Variants in TEC observed in about 807,000 individuals in gnomAD.
TEC encodes the protein tec protein tyrosine kinase.
Under a neutral mutation model 93.0 loss-of-function variants are expected in TEC, and 72 were observed. The observed-to-expected ratio is 0.77, with a 90% confidence interval of 0.64 to 0.94. TEC has a LOEUF of 0.94. TEC is among the 40% of genes least tolerant of loss of function. TEC has a pLI of 0.00. For synonymous variants in TEC, 249 were observed against 247.7 expected (o/e 1.01, Z -0.05); for missense variants, 630 against 757.9 (o/e 0.83, Z 1.98).
chr4:48,171,154 C>T lies in TEC; in HGVS notation c.325+214G>A, dbSNP rs41303779. Among the ~76,000 whole-genome samples the T allele has an allele frequency of 2.6e-5, 4 of 152,266 alleles. No individual in the cohort carries two copies. In the South Asian group the frequency reaches 8.3e-4, roughly 32 times the overall value. On this transcript the variant is annotated intron_variant, in intron 4 of 17. Transcript: ENST00000381501. ...AATGAGAGCGTGCTTTTCTTAGAAACTATATGCTACTAGAAAAAAATCAGA... is the reference window on the plus strand; with the variant it reads ...AATGAGAGCGTGCTTTTCTTAGAAATTATATGCTACTAGAAAAAAATCAGA...
At chr4:48,166,857 A>C (rs1398199746) in intron 7 of TEC, among the ~76,000 whole-genome samples, 3 of 151,712 alleles carry the variant, frequency 2.0e-5, no homozygotes, top group Non-Finnish European at 4.4e-5. Flanking sequence ...CTAGGAATCA[A>C]GCAGAAGAAA....
At chr4:48,242,076 G>A (rs1240625881) in intron 1 of TEC, among the ~76,000 whole-genome samples, 1 of 152,184 alleles carries the variant, frequency 6.6e-6, no homozygotes, top group South Asian at 2.1e-4. Context: ...GTGGTAATGT[G>A]CAGTGTCTGG....
intron 1 of TEC, among the ~76,000 whole-genome samples, chr4:48,243,147 A>G (rs1290782174): frequency 6.6e-6 from 1 of 151,936 alleles, no homozygotes; most frequent in Non-Finnish European, 1.5e-5. Flanking sequence ...AGAAGACATA[A>G]GCAATGGTTC....
chr4:48,189,964 C>T (rs1250693570), intron 2 of TEC, among the ~76,000 whole-genome samples: 1 of 152,180 alleles, frequency 6.6e-6, no homozygotes, highest in East Asian at 1.9e-4. Flanking sequence ...TGAGGGACAA[C>T]AGTCCCTGGC....
intron 9 of TEC, among the ~76,000 whole-genome samples, chr4:48,156,306 A>G (rs1720397266): frequency 6.6e-6 from 1 of 152,188 alleles, no homozygotes; most frequent in African/African-American, 2.4e-5. Context: ...TGCTTTCATA[A>G]AGATGTTTAT....
At chr4:48,179,173 T>G (rs147861414) in intron 2 of TEC, among the ~76,000 whole-genome samples, 1 of 151,694 alleles carries the variant, frequency 6.6e-6, no homozygotes, top group Non-Finnish European at 1.5e-5. Context: ...TTTCCTGAGC[T>G]TGTAGCCGCA....
At chr4:48,187,491 A>C (rs952605258) in intron 2 of TEC, among the ~76,000 whole-genome samples, 5 of 152,084 alleles carry the variant, frequency 3.3e-5, no homozygotes, top group African/African-American at 1.2e-4. Context: ...AAATCACAGA[A>C]TCTTCATATA....
At chr4:48,150,562 T>C (rs1720115744) in intron 10 of TEC, among the ~76,000 whole-genome samples, 1 of 152,128 alleles carries the variant, frequency 6.6e-6, no homozygotes, top group African/African-American at 2.4e-5. Flanking sequence ...GTGGGCAGGG[T>C]CTCTGCCTCC....
intron 2 of TEC, among the ~76,000 whole-genome samples, chr4:48,204,882 G>T (rs1722652484): frequency 6.6e-6 from 1 of 152,154 alleles, no homozygotes; most frequent in Non-Finnish European, 1.5e-5. Context: ...ACCGAAACCG[G>T]TACCAGTCCG....
intron 2 of TEC, among the ~76,000 whole-genome samples, chr4:48,179,338 G>GTATATATATATATATATATATA (rs61241595): frequency 1.9e-5 from 1 of 51,652 alleles, no homozygotes; most frequent in African/African-American, 9.5e-5. Flanking sequence ...GACGTGGGTA[G>GTATATATATATATATATATATA]TATATATATA....
rs545432085 is a variant in TEC at position 48,152,438 on chromosome 4, A to G, written c.793-1496T>C. Among the ~76,000 whole-genome samples, 424 of 138,850 alleles carry G rather than the reference A, an allele frequency of 3.1e-3. 4 individuals are homozygous for G. Among genetic ancestry groups the G allele is most frequent in the African/African-American group, 0.013 (409 of 32,274 alleles). 91.1% of individuals were successfully genotyped at this position (138,850 alleles called of 152,430 possible). ...GGGAGACAGAGAGAGATACTATCAT[A>G]AATAAATAAATAAATAAATAAATAA... is the stretch of plus-strand genomic sequence containing the variant. On this transcript the variant is annotated intron_variant, in intron 9 of 17. Transcript: ENST00000381501.
chr4:48,213,223 C>A (rs541077635), intron 2 of TEC, among the ~76,000 whole-genome samples: 1 of 152,164 alleles, frequency 6.6e-6, no homozygotes, highest in Non-Finnish European at 1.5e-5. Flanking sequence ...TATTAAAAAT[C>A]ATTTTGCAAT....
At chr4:48,238,747 GC>G (rs1723853961) in intron 1 of TEC, among the ~76,000 whole-genome samples, 1 of 149,734 alleles carries the variant, frequency 6.7e-6, no homozygotes. Context: ...AGCCTTCTTT[GC>G]AGTAAAGTGT....
At chr4:48,141,330 T>C in intron 15 of TEC, 25 bp downstream of exon 15, 1 of 1,609,470 alleles carries the variant, frequency 6.2e-7, no homozygotes, top group Admixed American at 1.7e-5. Flanking sequence ...AAACATCACC[T>C]AAAACCACGT....
chr4:48,141,342 T>C lies in TEC; in HGVS notation c.1535+13A>G, dbSNP rs1459016846. 6.2e-7 allele frequency: 1 copy of C among 1,612,566 alleles called. No individual in the cohort carries two copies. Among genetic ancestry groups the C allele is most frequent in the Non-Finnish European group, 8.5e-7 (1 of 1,178,912 alleles). On this transcript the variant is annotated intron_variant, in intron 15 of 17. Coordinates refer to ENST00000381501, the MANE Select transcript of TEC (RefSeq NM_003215.3). ...TGCAAACATCACCTAAAACCACGTA[T>C]ACTTGGACATACCTGGCCATTCCAA...
At chr4:48,254,588 A>C (rs914763466) in intron 1 of TEC, among the ~76,000 whole-genome samples, 1 of 152,236 alleles carries the variant, frequency 6.6e-6, no homozygotes, top group South Asian at 2.1e-4. Context: ...GGCCAAAAAA[A>C]CTGGGGATAA....
intron 8 of TEC, among the ~76,000 whole-genome samples, chr4:48,162,635 T>G (rs958562435): frequency 2.0e-5 from 3 of 152,244 alleles, no homozygotes; most frequent in Admixed American, 6.5e-5. Context: ...TACTCTCTTC[T>G]ACTTCTAAAA....
intron 1 of TEC, among the ~76,000 whole-genome samples, chr4:48,239,101 G>C (rs901093702): frequency 7.2e-5 from 11 of 151,798 alleles, no homozygotes; most frequent in African/African-American, 2.7e-4. Flanking sequence ...GAAAACCCTT[G>C]CAAAAACTGG....
intron 2 of TEC, among the ~76,000 whole-genome samples, chr4:48,216,963 A>G (rs1723101906): frequency 6.6e-6 from 1 of 152,232 alleles, no homozygotes; most frequent in Non-Finnish European, 1.5e-5. Flanking sequence ...GGAGGACCAA[A>G]CCTTTGATTA....
Sources: allele counts gnomAD v4.1 joint callset (sites outside exome capture counted in the v4.1 genomes callset), GRCh38; gene constraint gnomAD v4.1.1; transcripts MANE v1.5; gene names NCBI Gene and HGNC (gene_info 2026-07-23, HGNC 2026-07-21).